Variants in SUPT16H observed in about 807,000 individuals in gnomAD.
The protein encoded by SUPT16H is SPT16 homolog, facilitates chromatin remodeling subunit.
A neutral mutation model predicts 136.2 loss-of-function variants in SUPT16H; 24 were observed. That is an observed-to-expected ratio of 0.18 (90% CI 0.13 to 0.25). The LOEUF (loss-of-function observed/expected upper bound fraction) is 0.25, where lower values mean the gene tolerates loss of function less well. Among genes scored for constraint, SUPT16H ranks in the 10% least tolerant of loss-of-function variants. The pLI is 1.00. For missense variants in SUPT16H, 623 were observed against 1,270.2 expected (o/e 0.49, Z 7.74); for synonymous variants, 415 against 428.2 (o/e 0.97, Z 0.38).
At chr14:21,370,991 G>A (rs1391207404) in intron 3 of SUPT16H, among the ~76,000 whole-genome samples, 6 of 151,896 alleles carry the variant, frequency 4.0e-5, no homozygotes, top group African/African-American at 1.5e-4. Context: ...TGCCCAGGAT[G>A]GTCTTGAACT....
rs755952592 is a variant in SUPT16H, at chr14:21,369,912, C to G, written c.484-16G>C. On this transcript the variant is annotated splice_polypyrimidine_tract_variant and intron_variant, in intron 4 of 25. Transcript: ENST00000216297. Reference sequence around the variant, plus strand: ...TGATATCTATCTGCAGTCAAAGTGACAAGAGTTTCTAACATGCAAGTACAG... The same window carrying G: ...TGATATCTATCTGCAGTCAAAGTGAGAAGAGTTTCTAACATGCAAGTACAG... The G allele has an allele frequency of 6.2e-7, 1 of 1,611,610 alleles. No individual in the cohort carries two copies. Among genetic ancestry groups the G allele is most frequent in the South Asian group, 1.1e-5 (1 of 90,720 alleles).
At chr14:21,378,368 A>G (rs966661740) in intron 1 of SUPT16H, among the ~76,000 whole-genome samples, 5 of 152,238 alleles carry the variant, frequency 3.3e-5, no homozygotes. Context: ...AAAAAAGGAA[A>G]GTTAATCATA....
chr14:21,363,728 G>A (rs1474238826), intron 10 of SUPT16H, among the ~76,000 whole-genome samples: 1 of 152,012 alleles, frequency 6.6e-6, no homozygotes, highest in Non-Finnish European at 1.5e-5. Flanking sequence ...AACGAGGCTG[G>A]AGTGCAATGG....
At chr14:21,364,762 A>AG in intron 10 of SUPT16H, 65 bp downstream of exon 10, 2 of 1,411,534 alleles carry the variant, frequency 1.4e-6, no homozygotes, top group Non-Finnish European at 2.0e-6. Context: ...AAAAAACCAC[A>AG]GGGTCCACAA....
chr14:21,382,347 CA>C (rs201242984), intron 1 of SUPT16H, among the ~76,000 whole-genome samples: 2 of 149,968 alleles, frequency 1.3e-5, no homozygotes, highest in African/African-American at 2.4e-5. Context: ...TTTTGAGATA[CA>C]AAAAAAAATG....
At chr14:21,353,047 AAT>A (rs1886355214) in intron 25 of SUPT16H, among the ~76,000 whole-genome samples, 1 of 152,236 alleles carries the variant, frequency 6.6e-6, no homozygotes, top group African/African-American at 2.4e-5. Flanking sequence ...CACAGCAGTT[AAT>A]ATTTATTTCC....
intron 10 of SUPT16H, 136 bp downstream of exon 10, chr14:21,364,691 C>A: frequency 1.5e-6 from 1 of 665,722 alleles, no homozygotes; most frequent in East Asian, 2.7e-5. Flanking sequence ...CTATTCCTAG[C>A]TGCATTAGGT....
At chr14:21,355,513 T>TAAAAA (rs59639210) in intron 22 of SUPT16H, among the ~76,000 whole-genome samples, 14 of 113,354 alleles carry the variant, frequency 1.2e-4, no homozygotes, top group South Asian at 2.8e-4. Flanking sequence ...ATAATAATAA[T>TAAAAA]AAAAAAAAAA....
chr14:21,356,257 A>G (rs192587967), intron 22 of SUPT16H, among the ~76,000 whole-genome samples: 2 of 152,326 alleles, frequency 1.3e-5, no homozygotes, highest in Non-Finnish European at 2.9e-5. Flanking sequence ...TTCATGAGAA[A>G]ACTGGAACTG....
At chr14:21,371,818 T>C (rs1373248381) in intron 3 of SUPT16H, 56 bp downstream of exon 3, 7 of 1,598,604 alleles carry the variant, frequency 4.4e-6, no homozygotes, top group Non-Finnish European at 6.0e-6. Flanking sequence ...GGCATTTCTG[T>C]TCATCCCTTT....
intron 1 of SUPT16H, among the ~76,000 whole-genome samples, chr14:21,374,400 A>G (rs1208459362): frequency 1.3e-5 from 2 of 152,268 alleles, no homozygotes; most frequent in Non-Finnish European, 2.9e-5. Context: ...AAAATTCAAA[A>G]GCATACAATG....
intron 22 of SUPT16H, among the ~76,000 whole-genome samples, chr14:21,355,417 T>C (rs902771090): frequency 3.4e-5 from 5 of 149,202 alleles, no homozygotes; most frequent in Non-Finnish European, 7.4e-5. Flanking sequence ...CGCTTGAACC[T>C]GGGAGGTGGA....
chr14:21,367,485 G>A (rs771021818), intron 7 of SUPT16H, among the ~76,000 whole-genome samples: 1 of 152,156 alleles, frequency 6.6e-6, no homozygotes, highest in Non-Finnish European at 1.5e-5. Flanking sequence ...AGATATGGTG[G>A]CCTCAGAGGG....
intron 1 of SUPT16H, among the ~76,000 whole-genome samples, chr14:21,375,672 C>T (rs561722844): frequency 3.9e-5 from 6 of 152,232 alleles, no homozygotes; most frequent in African/African-American, 1.2e-4. Flanking sequence ...CGGCTCACTG[C>T]AACCTCCGTC....
chr14:21,356,454 G>T (rs1375452532), intron 22 of SUPT16H, among the ~76,000 whole-genome samples: 2 of 152,174 alleles, frequency 1.3e-5, no homozygotes, highest in Non-Finnish European at 1.5e-5. Context: ...CAATTACTTG[G>T]AAGTTTTTGA....
rs543493329 is a variant in SUPT16H, at chr14:21,370,516, A to C, written c.331-28T>G. On this transcript the variant is annotated intron_variant, in intron 3 of 25. Transcript: ENST00000216297. The stretch of plus-strand genomic sequence containing the variant: ...GTCAGTGTCATAGGGAAGAAAAGAC[A>C]CATATGTTTTACCAGTTCATTAGAC... 106 of 1,612,068 alleles carry C rather than the reference A, an allele frequency of 6.6e-5. No homozygotes were observed. The Middle Eastern group carries it at 1.8e-3, about 28-fold the overall frequency.
chr14:21,361,269 A>T, intron 15 of SUPT16H, 56 bp from the exon 16 acceptor site: 2 of 1,566,316 alleles, frequency 1.3e-6, no homozygotes, highest in South Asian at 2.2e-5. Context: ...GGGAAATTGT[A>T]CTGATTTACT....
chr14:21,360,589 A>G, intron 17 of SUPT16H, 56 bp from the exon 18 acceptor site: 1 of 1,448,248 alleles, frequency 6.9e-7, no homozygotes, highest in South Asian at 1.2e-5. Context: ...GCCAAAAGGC[A>G]CTGCAACTCT....
chr14:21,372,292 T>C, intron 2 of SUPT16H: 1 of 442,632 alleles, frequency 2.3e-6, no homozygotes, highest in Non-Finnish European at 4.0e-6. Flanking sequence ...CTTTCTATAA[T>C]TAAAACCATC....
Sources: gnomAD v4.1 joint callset for allele counts (sites outside exome capture counted in the v4.1 genomes callset) on GRCh38, gnomAD v4.1.1 for gene constraint, MANE v1.5 for transcripts, NCBI Gene and HGNC (gene_info 2026-07-23, HGNC 2026-07-21) for gene names.